Variants in INPP4B observed in about 807,000 individuals in gnomAD.
INPP4B encodes the protein inositol polyphosphate 4-phosphatase type II.
Under a neutral mutation model 122.5 loss-of-function variants are expected in INPP4B, and 55 were observed. The ratio of observed to expected loss-of-function variants is 0.45; its 90% confidence interval spans 0.36 to 0.56. The LOEUF (loss-of-function observed/expected upper bound fraction) is 0.56, where lower values mean the gene tolerates loss of function less well. Among genes scored for constraint, INPP4B ranks in the 20% least tolerant of loss-of-function variants. INPP4B has a pLI of 0.00. For missense variants in INPP4B, 1,000 were observed against 1,097.7 expected, an observed-to-expected ratio of 0.91 and a Z score of 1.26; for synonymous variants, 403 against 388.7, an observed-to-expected ratio of 1.04 and a Z score of -0.43.
chr4:142,177,395 T>C (rs1045760900), intron 15 of INPP4B, among the ~76,000 whole-genome samples: 6 of 152,194 alleles, frequency 3.9e-5, no homozygotes, highest in African/African-American at 1.4e-4. Context: ...ATAAGTATAA[T>C]TTAATTATCT....
chr4:142,403,159 T>A (rs977269750), intron 6 of INPP4B, 105 bp from the exon 7 acceptor site: 2 of 718,714 alleles, frequency 2.8e-6, no homozygotes, highest in Non-Finnish European at 5.0e-6. Context: ...GAGTCTGTTT[T>A]TCAAGGAAAT....
At chr4:142,179,610 G>A (rs1829928997) in intron 15 of INPP4B, among the ~76,000 whole-genome samples, 1 of 144,480 alleles carries the variant, frequency 6.9e-6, no homozygotes, top group Admixed American at 6.9e-5. Context: ...CTAAGAAAAT[G>A]TGTTTACTGG....
chr4:142,759,030 A>G (rs150663350), intron 1 of INPP4B, among the ~76,000 whole-genome samples: 235 of 152,222 alleles, frequency 1.5e-3, no homozygotes, highest in Middle Eastern at 3.4e-3. Context: ...GTGAACAACT[A>G]CTATGTGACT....
chr4:142,507,431 T>C (rs1212620670), intron 2 of INPP4B, among the ~76,000 whole-genome samples: 1 of 152,086 alleles, frequency 6.6e-6, no homozygotes, highest in African/African-American at 2.4e-5. Flanking sequence ...TATTTCTGCT[T>C]TCTTGTGATT....
At chr4:142,524,751 G>A (rs1388324262) in intron 2 of INPP4B, among the ~76,000 whole-genome samples, 1 of 152,030 alleles carries the variant, frequency 6.6e-6, no homozygotes, top group Non-Finnish European at 1.5e-5. Flanking sequence ...AATAATAAGA[G>A]CTATCTATGA....
chr4:142,128,449 T>C (rs1297360069), intron 18 of INPP4B, among the ~76,000 whole-genome samples: 3 of 152,002 alleles, frequency 2.0e-5, no homozygotes, highest in African/African-American at 4.8e-5. Context: ...ATATAGTCAC[T>C]GCCCCACTAT....
intron 3 of INPP4B, among the ~76,000 whole-genome samples, 199 bp from the exon 4 acceptor site, chr4:142,431,584 T>C (rs1249089245): frequency 6.6e-6 from 1 of 152,128 alleles, no homozygotes; most frequent in African/African-American, 2.4e-5. Flanking sequence ...AATTATTACA[T>C]AGTCATATGA....
chr4:142,323,012 G>A (rs952592024), intron 7 of INPP4B, among the ~76,000 whole-genome samples: 1 of 152,206 alleles, frequency 6.6e-6, no homozygotes, highest in Non-Finnish European at 1.5e-5. Flanking sequence ...CTAGCTCTAA[G>A]TCCTATGAAG....
At chr4:142,089,951 G>T (rs1410583599) in intron 23 of INPP4B, among the ~76,000 whole-genome samples, 3 of 152,134 alleles carry the variant, frequency 2.0e-5, no homozygotes, top group African/African-American at 7.2e-5. Flanking sequence ...TCTCTTAACT[G>T]CTGTACCAGT....
intron 25 of INPP4B, among the ~76,000 whole-genome samples, chr4:142,077,169 A>G (rs936997790): frequency 2.6e-5 from 4 of 152,002 alleles, no homozygotes; most frequent in African/African-American, 9.7e-5. Context: ...TTATAAATTC[A>G]ATATTTACTG....
intron 2 of INPP4B, among the ~76,000 whole-genome samples, chr4:142,646,077 G>C (rs924663099): frequency 5.3e-5 from 8 of 152,160 alleles, no homozygotes; most frequent in African/African-American, 1.7e-4. Flanking sequence ...AGGAGAACAA[G>C]AGCACCTTTT....
At chr4:142,616,748 A>G (rs1212674782) in intron 2 of INPP4B, among the ~76,000 whole-genome samples, 1 of 152,132 alleles carries the variant, frequency 6.6e-6, no homozygotes, top group Non-Finnish European at 1.5e-5. Flanking sequence ...ATGGGATACT[A>G]CTCAGCCATA....
intron 7 of INPP4B, among the ~76,000 whole-genome samples, chr4:142,338,950 G>T (rs1455779643): frequency 6.6e-6 from 1 of 151,636 alleles, no homozygotes; most frequent in African/African-American, 2.4e-5. Context: ...GAGAACAGAG[G>T]GTCCAGGAGG....
At chr4:142,158,547 A>T (rs1027626393) in intron 17 of INPP4B, among the ~76,000 whole-genome samples, 68 of 152,102 alleles carry the variant, frequency 4.5e-4, no homozygotes, top group Non-Finnish European at 5.3e-4. Context: ...ACAGTTCTGG[A>T]CGTAAAATTT....
intron 15 of INPP4B, among the ~76,000 whole-genome samples, chr4:142,189,944 T>C (rs1834983607): frequency 6.6e-6 from 1 of 152,180 alleles, no homozygotes; most frequent in Non-Finnish European, 1.5e-5. Flanking sequence ...AATATGGTTG[T>C]ATGACCTGAA....
At chr4:142,453,004 G>C (rs1447811281) in intron 3 of INPP4B, among the ~76,000 whole-genome samples, 1 of 152,124 alleles carries the variant, frequency 6.6e-6, no homozygotes, top group Non-Finnish European at 1.5e-5. Flanking sequence ...GGAAATCTAA[G>C]TAAAGGAAAA....
intron 7 of INPP4B, among the ~76,000 whole-genome samples, chr4:142,399,189 C>CTA (rs1800768226): frequency 3.5e-5 from 2 of 56,948 alleles, no homozygotes; most frequent in Non-Finnish European, 5.9e-5. Context: ...TTTCCTTTTG[C>CTA]TTTTTTTTTT....
chr4:142,759,872 C>T (rs1771066614), intron 1 of INPP4B, among the ~76,000 whole-genome samples: 1 of 127,356 alleles, frequency 7.9e-6, no homozygotes, highest in South Asian at 2.6e-4. Flanking sequence ...CCCTGTGAAG[C>T]AATTCTGGTA....
intron 11 of INPP4B, among the ~76,000 whole-genome samples, chr4:142,258,968 T>C (rs1364886684): frequency 6.6e-6 from 1 of 151,904 alleles, no homozygotes; most frequent in Non-Finnish European, 1.5e-5. Flanking sequence ...TGTCCAACAG[T>C]GATAGACTGG....
Sources: allele counts gnomAD v4.1 joint callset (sites outside exome capture counted in the v4.1 genomes callset), GRCh38; gene constraint gnomAD v4.1.1; transcripts MANE v1.5; gene names NCBI Gene and HGNC (gene_info 2026-07-23, HGNC 2026-07-21).